Variants in CFAP47 observed in about 807,000 individuals in gnomAD.
CFAP47 encodes cilia and flagella associated protein 47.
CFAP47 carries 29 observed loss-of-function variants against 148.1 expected under a neutral mutation model. The ratio of observed to expected loss-of-function variants is 0.20; its 90% confidence interval spans 0.15 to 0.27. The LOEUF (loss-of-function observed/expected upper bound fraction) is 0.27. Among genes scored for constraint, CFAP47 ranks in the 10% least tolerant of loss-of-function variants. The pLI is 1.00. For missense variants in CFAP47, 1,872 were observed against 1,697.5 expected (o/e 1.10, Z -1.81); for synonymous variants, 664 against 577.3 (o/e 1.15, Z -2.15).
At chrX:36,120,411 A>T (rs1343897786) in intron 33 of CFAP47, among the ~76,000 whole-genome samples, 1 of 111,033 alleles carries the variant, frequency 9.0e-6, no homozygotes, top group Non-Finnish European at 1.9e-5. Flanking sequence ...TACTAATTTT[A>T]GGCTTGTTTT....
chrX:36,342,127 CT>C (rs1941658895), intron 57 of CFAP47, among the ~76,000 whole-genome samples: 2 of 111,699 alleles, frequency 1.8e-5, no homozygotes, highest in Admixed American at 9.6e-5. Context: ...GATGTAATTA[CT>C]TCCAGCTTCC....
At position 36,364,901 on chromosome X, in the gene CFAP47, C is replaced by CATAT. The variant is rs60748143; in HGVS notation, c.9024-2025_9024-2022dup. ...TGTAACTTAACAGTTATATTTTGTG[C>CATAT]ATATATATATATATATATATATATA... On this transcript the variant is annotated intron_variant, in intron 61 of 63. Coordinates refer to ENST00000378653, the MANE Select transcript of CFAP47 (RefSeq NM_001304548.2). 6.2e-3 allele frequency among the ~76,000 whole-genome samples: 415 copies of CATAT among 67,267 alleles called. 3 individuals carry two copies. The highest frequency in any genetic ancestry group is 9.5e-3 in the Non-Finnish European group (310 of 32,638). The allele number at this position is 67,267 out of a possible 115,157, so 58.4% of individuals were successfully genotyped here.
chrX:35,941,296 T>C lies in CFAP47; in HGVS notation c.415T>C (p.Cys139Arg), dbSNP rs754194229. ...TCTCCTCCCTAGGTTGATTCCATCC[T>C]GTCAATTGGAAATTGAATCAGTAGT... ...EIPLIGLIPS[C>R]QLEIESVVNF... is the part of the protein sequence containing the mutation. The change falls in exon 3 of 64, where the codon TGT becomes CGT. Residue 139 changes from cysteine (C) to arginine (R), a missense_variant. By Grantham distance (180) the Cys-to-Arg change is radical. Transcript: ENST00000378653. 1.7e-6 allele frequency: 2 copies of C among 1,148,024 alleles called. No homozygotes were observed. The highest frequency in any genetic ancestry group is 5.1e-5 in the Admixed American group (2 of 39,549). The allele number at this position is 1,148,024 out of a possible 1,213,427, so 94.6% of individuals were successfully genotyped here. A position where few individuals can be genotyped will look rare whatever the true frequency, so the allele number is the denominator to read the frequency against.
chrX:36,211,068 A>G (rs1226343332), intron 45 of CFAP47: 8 of 183,722 alleles, frequency 4.4e-5, no homozygotes, highest in South Asian at 3.9e-4. Context: ...GAGAGCCAGA[A>G]GGGCACTGGG....
At chrX:36,257,480 A>G (rs1940767381) in intron 49 of CFAP47, among the ~76,000 whole-genome samples, 1 of 105,830 alleles carries the variant, frequency 9.4e-6, no homozygotes, top group Non-Finnish European at 1.9e-5. Flanking sequence ...GGTAGAGTTC[A>G]GTGGTGTGAA....
chrX:36,012,505 G>A (rs1937050388), intron 21 of CFAP47, among the ~76,000 whole-genome samples: 1 of 111,994 alleles, frequency 8.9e-6, no homozygotes, highest in Non-Finnish European at 1.9e-5. Context: ...ATGAGAGCAT[G>A]CCCTTTGCAG....
intron 40 of CFAP47, among the ~76,000 whole-genome samples, chrX:36,187,383 C>T (rs1169333783): frequency 8.9e-6 from 1 of 111,841 alleles, no homozygotes; most frequent in South Asian, 3.7e-4. Flanking sequence ...CTTTTCTACT[C>T]ACTATAATAA....
At chrX:36,199,951 T>C in intron 42 of CFAP47, among the ~76,000 whole-genome samples, 1 of 112,200 alleles carries the variant, frequency 8.9e-6, no homozygotes, top group Non-Finnish European at 1.9e-5. Context: ...ATTTAGACTT[T>C]TCCATGTTCA....
chrX:36,157,951 T>C (rs1289376866), intron 37 of CFAP47, among the ~76,000 whole-genome samples: 2 of 112,065 alleles, frequency 1.8e-5, no homozygotes, highest in Non-Finnish European at 3.8e-5. Flanking sequence ...AGAGTCCTTT[T>C]GCACACAATT....
rs181920422 is a variant in CFAP47, at chrX:35,950,459, A to G, written c.657-672A>G. Among the ~76,000 whole-genome samples, 5 of 111,565 alleles carry G rather than the reference A, an allele frequency of 4.5e-5. No individual in the cohort carries two copies. The East Asian group carries it at 1.4e-3, about 32-fold the overall frequency. ...CGGCTTACTGCAGCCATGACCTCCC[A>G]TGCTCCAGCAATTCCCCTACCTCAG... On this transcript the variant is annotated intron_variant, in intron 4 of 63. Transcript: ENST00000378653.
At chrX:36,260,448 GTT>G (rs1190519643) in intron 49 of CFAP47, among the ~76,000 whole-genome samples, 58 of 111,594 alleles carry the variant, frequency 5.2e-4, no homozygotes, top group Middle Eastern at 4.6e-3. Flanking sequence ...ATCTCATAGA[GTT>G]TTTGATTTAC....
intron 27 of CFAP47, among the ~76,000 whole-genome samples, chrX:36,067,292 T>C (rs1242324931): frequency 9.0e-6 from 1 of 111,571 alleles, no homozygotes; most frequent in Non-Finnish European, 1.9e-5. Context: ...ATTCTTTGTA[T>C]TCCCATAGGC....
chrX:36,240,318 A>G (rs1940526152), intron 48 of CFAP47, among the ~76,000 whole-genome samples: 1 of 112,123 alleles, frequency 8.9e-6, no homozygotes, highest in Non-Finnish European at 1.9e-5. Context: ...TTGAATTACT[A>G]GACTAAGACT....
chrX:36,379,206 T>C (rs926700013), intron 62 of CFAP47, 144 bp from the exon 63 acceptor site: 2 of 498,933 alleles, frequency 4.0e-6, no homozygotes, highest in Non-Finnish European at 6.7e-6. Context: ...TTAAAATGCC[T>C]CCTCACTATT....
chrX:36,017,446 C>T (rs924282267), intron 22 of CFAP47, among the ~76,000 whole-genome samples: 1 of 112,161 alleles, frequency 8.9e-6, no homozygotes, highest in Non-Finnish European at 1.9e-5. Context: ...GAGTATTATT[C>T]AAGAAATTTT....
rs1569287281 is a variant in CFAP47 at position 36,201,279 on chromosome X, A to G, written c.6442A>G (p.Asn2148Asp). The G allele has an allele frequency of 1.4e-5, 4 of 295,723 alleles. No homozygotes were observed. Among genetic ancestry groups the G allele is most frequent in the Non-Finnish European group, 2.4e-5 (4 of 169,790 alleles). The allele number at this position is 295,723 out of a possible 1,213,427, so 24.4% of individuals were successfully genotyped here. A position where few individuals can be genotyped will look rare whatever the true frequency, so the allele number is the denominator to read the frequency against. ...YYSTTREEGP[N>D]KKYPVLYLKC... ...TATTTTTTTTCTTCCTCCAGGGCCT[A>G]ATAAGAAATACCCAGTTCTGTATTT... The change falls in exon 44 of 64, where the codon AAT (asparagine) becomes GAT (aspartate). Residue 2148 changes from asparagine (N) to aspartate (D), a missense_variant. Coordinates refer to ENST00000378653, the MANE Select transcript of CFAP47 (RefSeq NM_001304548.2).
intron 30 of CFAP47, among the ~76,000 whole-genome samples, chrX:36,095,056 C>T (rs1311145210): frequency 1.8e-5 from 2 of 111,001 alleles, no homozygotes; most frequent in Non-Finnish European, 3.8e-5. Context: ...CCTTCCATAT[C>T]CAGTTTTTTG....
chrX:36,326,304 A>AACAC (rs56939762), intron 57 of CFAP47, among the ~76,000 whole-genome samples: 1,298 of 103,510 alleles, frequency 0.013, 10 homozygotes, highest in African/African-American at 0.036. Context: ...CCAATTTCCA[A>AACAC]ACACACACAC....
intron 52 of CFAP47, 94 bp downstream of exon 52, chrX:36,299,246 C>T (rs919861580): frequency 2.6e-5 from 13 of 508,101 alleles, no homozygotes; most frequent in Middle Eastern, 6.4e-4. Context: ...ATTAAAATTA[C>T]ACTTGCTCAT....
Sources: allele counts gnomAD v4.1 joint callset (sites outside exome capture counted in the v4.1 genomes callset), GRCh38; gene constraint gnomAD v4.1.1; transcripts MANE v1.5; gene names NCBI Gene and HGNC (gene_info 2026-07-23, HGNC 2026-07-21).